Variants in CACNA1I observed in about 807,000 individuals in gnomAD.
CACNA1I encodes voltage-dependent T-type calcium channel subunit alpha-1I.
A neutral mutation model predicts 201.6 loss-of-function variants in CACNA1I; 74 were observed. That is an observed-to-expected ratio of 0.37 (90% CI 0.30 to 0.45). The LOEUF (loss-of-function observed/expected upper bound fraction) is 0.45, where lower values mean the gene tolerates loss of function less well. Ranked by LOEUF, CACNA1I falls within the 20% of genes least tolerant of loss-of-function variation. The probability of loss-of-function intolerance (pLI) is 1.00; values close to 1 mark genes in which losing one functional copy is unlikely to be tolerated. For synonymous variants in CACNA1I, 1,431 were observed against 1,345.2 expected (o/e 1.06, Z -1.40); for missense variants, 2,346 against 3,138.1 (o/e 0.75, Z 6.03).
chr22:39,677,887 G>T lies in CACNA1I; in HGVS notation c.4934-100G>T. 7.5e-7 allele frequency: 1 copy of T among 1,340,972 alleles called. No individual in the cohort carries two copies. Among genetic ancestry groups the T allele is most frequent in the Non-Finnish European group, 1.0e-6 (1 of 992,182 alleles). The allele number at this position is 1,340,972 out of a possible 1,614,324, so 83.1% of individuals were successfully genotyped here. A position where few individuals can be genotyped will look rare whatever the true frequency, so the allele number is the denominator to read the frequency against. ...GCACAGTCTGCAGGCCCCTCCTAGG[G>T]TGTGATGAGGGTTCTGAGGCGAGGC... On this transcript the variant is annotated intron_variant, in intron 30 of 36. Coordinates refer to ENST00000402142, the MANE Select transcript of CACNA1I (RefSeq NM_021096.4). The surrounding 1 kb of genome is among the most constrained non-coding windows in gnomAD (Gnocchi z 4.8).
intron 2 of CACNA1I, among the ~76,000 whole-genome samples, chr22:39,598,601 T>C (rs541075008): frequency 6.6e-6 from 1 of 152,134 alleles, no homozygotes; most frequent in South Asian, 2.1e-4. Flanking sequence ...CCCACCAGCC[T>C]TCTCCTGCAC....
In CACNA1I at chr22:39,673,995, C is replaced by T. The variant is rs747847066; in HGVS notation, c.4816C>T (p.Arg1606Trp). 4 of 1,613,278 alleles carry T rather than the reference C, an allele frequency of 2.5e-6. No homozygotes were observed. The highest frequency in any genetic ancestry group is 3.4e-6 in the Non-Finnish European group (4 of 1,179,840). Residue 1606 changes from arginine to tryptophan, a missense_variant, in exon 29 of 37, where the codon CGG (arginine) becomes TGG (tryptophan). Physicochemically the swap from Arg to Trp is moderately radical, Grantham distance 101. Transcript: ENST00000402142. ...GCTGTTGAAGATGGCCACAGGAATG[C>T]GGGCCCTGCTGGACACGGTGGTGCA... ...LKLLKMATGM[R>W]ALLDTVVQAL... is the part of the protein sequence containing the mutation.
intron 1 of CACNA1I, among the ~76,000 whole-genome samples, chr22:39,581,202 A>G (rs1470797829): frequency 1.3e-5 from 2 of 152,084 alleles, no homozygotes; most frequent in Non-Finnish European, 2.9e-5. Flanking sequence ...AGGGCAGGAG[A>G]GAGCGGGAGG....
chr22:39,686,081 C>A lies in CACNA1I; in HGVS notation c.6348C>A (p.Gly2116=). Residue 2116 remains glycine, a synonymous_variant, in exon 37 of 37, where the codon GGC becomes GGA. Coordinates refer to ENST00000402142, the MANE Select transcript of CACNA1I (RefSeq NM_021096.4). ...AGGAGGGCCGCGGTGGCGCGGGCGG[C>A]GGGGGCGCGGGCAGCGAGCACTCGG... ...SDEEGRGGAG[G]GGAGSEHSET... is the part of the protein sequence containing the mutation. 1 of 1,189,212 alleles carries A rather than the reference C, an allele frequency of 8.4e-7. No homozygotes were observed. The highest frequency in any genetic ancestry group is 1.0e-6 in the Non-Finnish European group (1 of 964,650). 73.7% of individuals were successfully genotyped at this position (1,189,212 alleles called of 1,614,324 possible).
At chr22:39,679,085 C>T (rs754873874) in intron 31 of CACNA1I, 22 bp from the exon 32 acceptor site, 1 of 1,552,308 alleles carries the variant, frequency 6.4e-7, no homozygotes. Context: ...TCCTCATCCT[C>T]ACCGCCCTCC....
Position 39,686,437 on chromosome 22 carries a change from C to A in CACNA1I, c.*32C>A. On this transcript the variant is annotated 3_prime_UTR_variant, in exon 37 of 37. Transcript: ENST00000402142. ...CAGGGGCCCCCGGCCGCCCACCGCC[C>A]GCCCCGTCTCACCTTCTTTACCTCA... The A allele has an allele frequency of 8.3e-7, 1 of 1,208,390 alleles. No individual in the cohort carries two copies. The highest frequency in any genetic ancestry group is 1.0e-6 in the Non-Finnish European group (1 of 965,508). The allele number at this position is 1,208,390 out of a possible 1,614,324, so 74.9% of individuals were successfully genotyped here.
intron 10 of CACNA1I, among the ~76,000 whole-genome samples, chr22:39,650,925 A>G (rs1418171123): frequency 1.3e-5 from 2 of 152,048 alleles, no homozygotes; most frequent in Non-Finnish European, 2.9e-5. Flanking sequence ...CTGTGGGGAC[A>G]CGGGAGGGAG....
Position 39,684,387 on chromosome 22 carries a change from C to A in CACNA1I, c.5916C>A (p.Ser1972Arg). ...TCTTCCACCCTGCAGTGTCTGCCAG[C>A]CAGAAAGGCCCAGAAAAGGGCACTG... ...AEFFHPAVSA[S>R]QKGPEKGTGT... Residue 1972 changes from serine (S) to arginine (R), a missense_variant, in exon 36 of 37, where the codon AGC becomes AGA. Physicochemically the swap from Ser to Arg is moderately radical, Grantham distance 110 (BLOSUM62 -1). Around this residue, in one of 13 missense-constraint regions of CACNA1I, gnomAD observed 441 missense variants for 555.6 expected, o/e 0.79. Coordinates refer to ENST00000402142, the MANE Select transcript of CACNA1I (RefSeq NM_021096.4). The surrounding 1 kb of genome is among the most constrained non-coding windows in gnomAD (Gnocchi z 4.6). The A allele has an allele frequency of 6.2e-7, 1 of 1,613,628 alleles. No individual in the cohort carries two copies. Among genetic ancestry groups the A allele is most frequent in the Admixed American group, 1.7e-5 (1 of 60,010 alleles).
chr22:39,582,058 C>T (rs1026404565), intron 1 of CACNA1I, among the ~76,000 whole-genome samples: 26 of 152,100 alleles, frequency 1.7e-4, no homozygotes, highest in African/African-American at 4.3e-4. Flanking sequence ...GGAAGAGGGC[C>T]GAGGTGGAGG....
At chr22:39,618,425 CTG>C (rs766462985) in intron 3 of CACNA1I, among the ~76,000 whole-genome samples, 2 of 150,474 alleles carry the variant, frequency 1.3e-5, no homozygotes, top group Admixed American at 1.3e-4. Context: ...GTACGTGACT[CTG>C]TGTATGCAGG....
chr22:39,642,653 T>C, intron 6 of CACNA1I, 144 bp from the exon 7 acceptor site: 1 of 632,450 alleles, frequency 1.6e-6, no homozygotes, highest in Non-Finnish European at 2.8e-6. Flanking sequence ...GTGATGTGCC[T>C]TGTCCAGCCC....
intron 1 of CACNA1I, 145 bp downstream of exon 1, chr22:39,571,133 G>T (rs769216463): frequency 5.7e-6 from 4 of 704,088 alleles, no homozygotes; most frequent in Non-Finnish European, 1.0e-5. Flanking sequence ...TGGTGAGCGA[G>T]CTCAGAGGGT....
At chr22:39,653,660 C>T (rs1027876624) in intron 10 of CACNA1I, among the ~76,000 whole-genome samples, 1 of 152,134 alleles carries the variant, frequency 6.6e-6, no homozygotes, top group Non-Finnish European at 1.5e-5. Context: ...GGGCAGGAGG[C>T]GAGGGTGTGA....
chr22:39,572,519 C>T (rs1233258732), intron 1 of CACNA1I, among the ~76,000 whole-genome samples: 2 of 152,022 alleles, frequency 1.3e-5, no homozygotes, highest in African/African-American at 2.4e-5. Context: ...TGGAAACCAG[C>T]GGGTCTCTGC....
At chr22:39,585,386 C>CTT (rs67733131) in intron 1 of CACNA1I, among the ~76,000 whole-genome samples, 8 of 90,438 alleles carry the variant, frequency 8.8e-5, no homozygotes, top group Admixed American at 2.4e-4. Flanking sequence ...TTCTTTCTTT[C>CTT]TTTTTTTTTT....
At chr22:39,588,539 C>A (rs1392996529) in intron 1 of CACNA1I, among the ~76,000 whole-genome samples, 6 of 151,904 alleles carry the variant, frequency 3.9e-5, no homozygotes, top group Non-Finnish European at 7.4e-5. Flanking sequence ...GCGCCCACCA[C>A]CACGCCCGGC....
chr22:39,638,178 G>A (rs762509632), intron 5 of CACNA1I, among the ~76,000 whole-genome samples: 1 of 152,188 alleles, frequency 6.6e-6, no homozygotes, highest in Non-Finnish European at 1.5e-5. Flanking sequence ...GACCTCAAGC[G>A]ATCCACCCAC....
chr22:39,644,400 T>A lies in CACNA1I; in HGVS notation c.1149+1511T>A, dbSNP rs569268947. ...GGTGAGACAGAGCCTGAAGCCTGCA[T>A]GTCCTTGGCACACAGTGAGTACTCA... On this transcript the variant is annotated intron_variant, in intron 7 of 36. Coordinates refer to ENST00000402142, the MANE Select transcript of CACNA1I (RefSeq NM_021096.4). Among the ~76,000 whole-genome samples the A allele has an allele frequency of 5.9e-5, 9 of 152,340 alleles. No individual in the cohort carries two copies. The East Asian group carries it at 1.7e-3, about 29-fold the overall frequency.
intron 27 of CACNA1I, 121 bp from the exon 28 acceptor site, chr22:39,672,828 C>A: frequency 9.1e-7 from 1 of 1,095,520 alleles, no homozygotes; most frequent in Non-Finnish European, 1.3e-6. Flanking sequence ...AGGGCAGCCA[C>A]ACAGCCTAAT....
Sources: allele counts gnomAD v4.1 joint callset (sites outside exome capture counted in the v4.1 genomes callset), GRCh38; gene constraint gnomAD v4.1.1; regional missense constraint gnomAD v4.1.1; non-coding constraint Gnocchi (gnomAD v3.1); transcripts MANE v1.5; gene names NCBI Gene and HGNC (gene_info 2026-07-23, HGNC 2026-07-21).